ABHD2: variants seen among roughly 807,000 people sequenced by gnomAD.
The protein encoded by ABHD2 is monoacylglycerol lipase ABHD2.
ABHD2 carries 20 observed loss-of-function variants against 48.1 expected under a neutral mutation model. That is an observed-to-expected ratio of 0.42 (90% CI 0.29 to 0.60). The LOEUF (loss-of-function observed/expected upper bound fraction) is 0.60. Among genes scored for constraint, ABHD2 ranks in the 20% least tolerant of loss-of-function variants. The pLI, the probability that ABHD2 is intolerant of heterozygous loss-of-function variation, is 0.24. For missense variants in ABHD2, 405 were observed against 550.9 expected, an observed-to-expected ratio of 0.74 and a Z score of 2.65; for synonymous variants, 209 against 214.2, an observed-to-expected ratio of 0.98 and a Z score of 0.21.
In ABHD2 at chr15:89,106,622, T is replaced by C. The variant is rs1415979873; in HGVS notation, c.-106-7103T>C. Among the ~76,000 whole-genome samples, 1 of 152,220 alleles carries C rather than the reference T, an allele frequency of 6.6e-6. No homozygotes were observed. Among genetic ancestry groups the C allele is most frequent in the Non-Finnish European group, 1.5e-5 (1 of 68,040 alleles). The stretch of plus-strand genomic sequence containing the variant: ...TCCCCAAAATCATCTGGGCTTGTTT[T>C]CGTCCCTGCAGAATGGTTTTTTTCC... On this transcript the variant is annotated intron_variant, in intron 1 of 10. Coordinates refer to ENST00000352732, the MANE Select transcript of ABHD2 (RefSeq NM_152924.5). The surrounding 1 kb of genome is among the most constrained non-coding windows in gnomAD (Gnocchi z 4.2).
chr15:89,141,780 C>G (rs567684753), intron 3 of ABHD2, among the ~76,000 whole-genome samples: 1 of 152,200 alleles, frequency 6.6e-6, no homozygotes, highest in Non-Finnish European at 1.5e-5. Flanking sequence ...TGGAAGCCCA[C>G]GTTGACCAGC....
Position 89,116,666 on chromosome 15 carries a change from T to G in ABHD2, c.194+145T>G. The stretch of plus-strand genomic sequence containing the variant: ...GGTGTTAAAATAGCCACAGTCTGAT[T>G]GCAGTCTAGTGTTTGAATCCTGGAG... On this transcript the variant is annotated intron_variant, in intron 3 of 10. Coordinates refer to ENST00000352732, the MANE Select transcript of ABHD2 (RefSeq NM_152924.5). This position sits in a 1 kb window ranked among gnomAD's most constrained non-coding sequence, Gnocchi z 4.6. 1 of 843,336 alleles carries G rather than the reference T, an allele frequency of 1.2e-6. No individual in the cohort carries two copies. Among genetic ancestry groups the G allele is most frequent in the Non-Finnish European group, 1.8e-6 (1 of 554,856 alleles). The allele number at this position is 843,336 out of a possible 1,614,324, so 52.2% of individuals were successfully genotyped here.
chr15:89,136,082 A>T (rs1051831508), intron 3 of ABHD2: 1 of 195,392 alleles, frequency 5.1e-6, no homozygotes, highest in Non-Finnish European at 1.0e-5. Flanking sequence ...GCCCGCCACC[A>T]TGCCTGGCAA....
At chr15:89,105,072 C>T (rs1199115354) in intron 1 of ABHD2, among the ~76,000 whole-genome samples, 3 of 152,158 alleles carry the variant, frequency 2.0e-5, no homozygotes, top group African/African-American at 7.2e-5. Flanking sequence ...TGTTTGTTCT[C>T]AGGTATGGAT....
At position 89,164,944 on chromosome 15, in the gene ABHD2, C is replaced by G. The variant is rs2050815704; in HGVS notation, c.538+9410C>G. ...AACATTTACTTGAACTGTTAAATGA[C>G]CTTACCTCTGCATCCAGTTCATACA... On this transcript the variant is annotated intron_variant, in intron 5 of 10. Transcript: ENST00000352732. The surrounding 1 kb of genome is among the most constrained non-coding windows in gnomAD (Gnocchi z 5.0). 1.3e-5 allele frequency among the ~76,000 whole-genome samples: 2 copies of G among 152,224 alleles called. No individual in the cohort carries two copies. The highest frequency in any genetic ancestry group is 2.9e-5 in the Non-Finnish European group (2 of 68,036).
intron 7 of ABHD2, among the ~76,000 whole-genome samples, chr15:89,187,885 TTGGCCCA>T (rs2051237780): frequency 6.6e-6 from 1 of 152,216 alleles, no homozygotes; most frequent in African/African-American, 2.4e-5. Flanking sequence ...CCCCTACGGC[TTGGCCCA>T]TGGCCCACCA....
the ABHD2 span, among the ~76,000 whole-genome samples, chr15:89,060,839 T>A: frequency 1.3e-5 from 2 of 152,200 alleles, no homozygotes; most frequent in African/African-American, 4.8e-5. Context: ...CCTGTGCCTT[T>A]TTAAGTTTCA....
chr15:89,100,490 C>A lies in ABHD2; in HGVS notation c.-107+11927C>A, dbSNP rs557543809. ...GATCCTGCAAGTAGCCTCTCTACCC[C>A]ACCACCAATGTACATCTACAGAAAG... is the stretch of plus-strand genomic sequence containing the variant. On this transcript the variant is annotated intron_variant, in intron 1 of 10. Transcript: ENST00000352732. The surrounding 1 kb of genome is among the most constrained non-coding windows in gnomAD (Gnocchi z 4.4). Among the ~76,000 whole-genome samples, 37 of 152,246 alleles carry A rather than the reference C, an allele frequency of 2.4e-4. No homozygotes were observed. Among genetic ancestry groups the A allele is most frequent in the African/African-American group, 8.4e-4 (35 of 41,542 alleles).
At chr15:89,193,132 C>T (rs1244283454) in intron 9 of ABHD2, 103 bp from the exon 10 acceptor site, 1 of 1,091,538 alleles carries the variant, frequency 9.2e-7, no homozygotes, top group Admixed American at 1.9e-5. Context: ...GACCCTCTTC[C>T]CTTTGCTTCA....
At chr15:89,192,470 GC>G (rs2051323142) in intron 9 of ABHD2, among the ~76,000 whole-genome samples, 1 of 151,792 alleles carries the variant, frequency 6.6e-6, no homozygotes, top group Non-Finnish European at 1.5e-5. Flanking sequence ...ATATCCACCA[GC>G]CTATTCCTGT....
upstream of ABHD2, among the ~76,000 whole-genome samples, chr15:89,083,635 T>C (rs1161825720): frequency 1.3e-5 from 2 of 152,150 alleles, no homozygotes; most frequent in Non-Finnish European, 2.9e-5. The surrounding 1 kb of genome is among the most constrained non-coding windows in gnomAD (Gnocchi z 5.1). Context: ...ACTATTAAAA[T>C]TTTGCCAGGA....
Position 89,188,195 on chromosome 15 carries a change from A to G in ABHD2, c.818A>G (p.Gln273Arg), listed in dbSNP as rs1297116252. ...NMKKIILSHR[Q>R]ALFGDHVKKP... is the part of the protein sequence containing the mutation. ...GTTTGCTTTTGTGTTTGCTCTAGGCAAGCTCTTTTTGGAGACCATGTTAAG... is the reference window on the plus strand; with the variant it reads ...GTTTGCTTTTGTGTTTGCTCTAGGCGAGCTCTTTTTGGAGACCATGTTAAG... The change falls in exon 8 of 11, where the codon CAA becomes CGA. Residue 273 changes from glutamine (Q) to arginine (R), a missense_variant and splice_region_variant. By Grantham distance (43) the Gln-to-Arg change is conservative (BLOSUM62 1). Coordinates refer to ENST00000352732, the MANE Select transcript of ABHD2 (RefSeq NM_152924.5). The surrounding 1 kb of genome is among the most constrained non-coding windows in gnomAD (Gnocchi z 4.1). 6.2e-7 allele frequency: 1 copy of G among 1,613,952 alleles called. No homozygotes were observed. Among genetic ancestry groups the G allele is most frequent in the Admixed American group, 1.7e-5 (1 of 60,000 alleles).
chr15:89,108,370 C>T (rs1037011708), intron 1 of ABHD2, among the ~76,000 whole-genome samples: 1 of 152,206 alleles, frequency 6.6e-6, no homozygotes, highest in African/African-American at 2.4e-5. Context: ...TGGCCTCCTC[C>T]CCTCTGTATC....
chr15:89,125,884 A>G (rs950260980), intron 3 of ABHD2, among the ~76,000 whole-genome samples: 1 of 152,214 alleles, frequency 6.6e-6, no homozygotes, highest in Non-Finnish European at 1.5e-5. Flanking sequence ...TACAGATTGT[A>G]GCTTCTTCTT....
At chr15:89,121,056 C>G (rs2050042663) in intron 3 of ABHD2, among the ~76,000 whole-genome samples, 2 of 152,204 alleles carry the variant, frequency 1.3e-5, no homozygotes, top group Non-Finnish European at 2.9e-5. Flanking sequence ...TTTTTTATAG[C>G]TTCAGAATTC....
At chr15:89,078,079 T>C in the ABHD2 span, among the ~76,000 whole-genome samples, 36 of 152,334 alleles carry the variant, frequency 2.4e-4, no homozygotes, top group African/African-American at 8.4e-4. Context: ...CTTGGGATCA[T>C]CTCTGACCCT....
chr15:89,143,414 T>C (rs182388001), intron 3 of ABHD2, among the ~76,000 whole-genome samples: 43 of 152,318 alleles, frequency 2.8e-4, no homozygotes, highest in East Asian at 2.3e-3. Flanking sequence ...ACGCCTGTAA[T>C]CCCAGCACTT....
At chr15:89,170,871 A>G (rs995354682) in intron 5 of ABHD2, among the ~76,000 whole-genome samples, 1 of 152,150 alleles carries the variant, frequency 6.6e-6, no homozygotes, top group Non-Finnish European at 1.5e-5. Context: ...TAATCCCAGC[A>G]CTTTGGGAGG....
At chr15:89,077,213 C>A in the ABHD2 span, among the ~76,000 whole-genome samples, 12 of 152,290 alleles carry the variant, frequency 7.9e-5, no homozygotes, top group South Asian at 2.1e-4. Context: ...CCATGTGTTA[C>A]CTCTTTTTGA....
Sources: gnomAD v4.1 joint callset for allele counts (sites outside exome capture counted in the v4.1 genomes callset) on GRCh38, gnomAD v4.1.1 for gene constraint, Gnocchi (gnomAD v3.1) non-coding constraint, MANE v1.5 for transcripts, NCBI Gene and HGNC (gene_info 2026-07-23, HGNC 2026-07-21) for gene names.